SLC6A5: variants seen among roughly 807,000 people sequenced by gnomAD.
The protein encoded by SLC6A5 is solute carrier family 6 member 5, also known as sodium- and chloride-dependent glycine transporter 2.
SLC6A5 carries 58 observed loss-of-function variants against 90.5 expected under a neutral mutation model. The observed-to-expected ratio is 0.64, with a 90% confidence interval of 0.52 to 0.80. SLC6A5 has a LOEUF of 0.80. SLC6A5 is among the 30% of genes least tolerant of loss of function. The pLI, the probability that SLC6A5 is intolerant of heterozygous loss-of-function variation, is 0.00. For missense variants in SLC6A5, 1,015 were observed against 1,017.6 expected (o/e 1.00, Z 0.03); for synonymous variants, 427 against 401.4 (o/e 1.06, Z -0.76).
intron 5 of SLC6A5, among the ~76,000 whole-genome samples, chr11:20,611,386 T>C (rs1852689819): frequency 6.6e-6 from 1 of 152,134 alleles, no homozygotes; most frequent in African/African-American, 2.4e-5. Flanking sequence ...ACCCTGGAGG[T>C]AGAGGTTGCA....
At chr11:20,606,472 T>C (rs966841414) in intron 3 of SLC6A5, among the ~76,000 whole-genome samples, 4 of 152,114 alleles carry the variant, frequency 2.6e-5, no homozygotes, top group African/African-American at 9.7e-5. Flanking sequence ...GAGATGGGTT[T>C]AGGAAGAAGG....
intron 7 of SLC6A5, among the ~76,000 whole-genome samples, chr11:20,626,366 G>A (rs1332113045): frequency 6.6e-6 from 1 of 151,964 alleles, no homozygotes; most frequent in Non-Finnish European, 1.5e-5. Flanking sequence ...GCTCTAGCGG[G>A]CATGGGCACA....
chr11:20,607,177 C>G, intron 4 of SLC6A5, 39 bp downstream of exon 4: 2 of 1,576,612 alleles, frequency 1.3e-6, no homozygotes, highest in South Asian at 2.3e-5. Flanking sequence ...CAGGCCCTTT[C>G]TTACTCTGTC....
At chr11:20,643,744 C>A (rs1253966227) in intron 13 of SLC6A5, among the ~76,000 whole-genome samples, 1 of 152,206 alleles carries the variant, frequency 6.6e-6, no homozygotes, top group Non-Finnish European at 1.5e-5. Context: ...TTAGAGTGAG[C>A]TGGGAAAAGT....
In SLC6A5 at chr11:20,628,027, A is replaced by T. The variant is rs1352575247; in HGVS notation, c.1443A>T (p.Ala481=). 3 of 1,614,142 alleles carry T rather than the reference A, an allele frequency of 1.9e-6. No homozygotes were observed. The Admixed American group carries it at 5.0e-5, about 27-fold the overall frequency. ...ATQIFFSLSA[A]WGGLITLSSY... is the part of the protein sequence containing the mutation. ...AGATTTTCTTCTCTTTATCTGCTGC[A>T]TGGGGAGGCCTGATCACTCTCTCTT... Residue 481 remains alanine, a synonymous_variant, in exon 9 of 16, where the codon GCA becomes GCT. Transcript: ENST00000525748.
chr11:20,640,535 G>A (rs1354453972), intron 13 of SLC6A5, among the ~76,000 whole-genome samples: 1 of 152,084 alleles, frequency 6.6e-6, no homozygotes, highest in Non-Finnish European at 1.5e-5. Context: ...AAGAGTGCTG[G>A]TGTTGGGCTT....
At chr11:20,603,641 C>T (rs874680) in intron 2 of SLC6A5, among the ~76,000 whole-genome samples, 9,639 of 152,264 alleles carry the variant, frequency 0.063, 686 homozygotes, top group East Asian at 0.35. Flanking sequence ...AAATATCCCT[C>T]CTGCCCATCT....
intron 13 of SLC6A5, among the ~76,000 whole-genome samples, chr11:20,646,005 G>A (rs978944040): frequency 2.0e-5 from 3 of 152,216 alleles, no homozygotes; most frequent in African/African-American, 4.8e-5. Context: ...CTTGAACTTG[G>A]AGACCGTGTA....
At chr11:20,617,727 C>G in intron 6 of SLC6A5, 25 bp from the exon 7 acceptor site, 2 of 1,609,026 alleles carry the variant, frequency 1.2e-6, no homozygotes, top group Non-Finnish European at 1.7e-6. Flanking sequence ...CTATCACTCC[C>G]CCCATCCCTC....
In SLC6A5 at chr11:20,607,672, C is replaced by CT. The variant is rs1397666325; in HGVS notation, c.985+23dup. ...TATTAGGTAAGTTTGGAAATACCTGCTTTAGGTGTGTGTATTCTAAACTAT... is the reference window on the plus strand; with the variant it reads ...TATTAGGTAAGTTTGGAAATACCTGCTTTTAGGTGTGTGTATTCTAAACTAT... On this transcript the variant is annotated intron_variant, in intron 5 of 15. Coordinates refer to ENST00000525748, the MANE Select transcript of SLC6A5 (RefSeq NM_004211.5). 4 of 1,593,108 alleles carry CT rather than the reference C, an allele frequency of 2.5e-6. No individual in the cohort carries two copies. Among genetic ancestry groups the CT allele is most frequent in the Non-Finnish European group, 3.4e-6 (4 of 1,161,746 alleles).
At chr11:20,634,945 A>G (rs933699853) in intron 10 of SLC6A5, among the ~76,000 whole-genome samples, 2 of 152,100 alleles carry the variant, frequency 1.3e-5, no homozygotes, top group African/African-American at 4.8e-5. Context: ...AAAATTCACA[A>G]CTGCTGTGTC....
chr11:20,658,019 A>G lies in SLC6A5; in HGVS notation c.*3151A>G, dbSNP rs1229696589. 6.6e-6 allele frequency: 1 copy of G among 152,198 alleles called. No homozygotes were observed. Among genetic ancestry groups the G allele is most frequent in the African/African-American group, 2.4e-5 (1 of 41,452 alleles). 9.4% of individuals were successfully genotyped at this position (152,198 alleles called of 1,614,324 possible). On this transcript the variant is annotated 3_prime_UTR_variant, in exon 16 of 16. Coordinates refer to ENST00000525748, the MANE Select transcript of SLC6A5 (RefSeq NM_004211.5). ...CTTTGAAATTTGCAATGTGTTTTTA[A>G]TATGTAAGAAATGTAATCAACTTGT...
chr11:20,618,398 A>T (rs1852824304), intron 7 of SLC6A5, among the ~76,000 whole-genome samples: 1 of 151,888 alleles, frequency 6.6e-6, no homozygotes, highest in Non-Finnish European at 1.5e-5. Flanking sequence ...TAAGCTTGAC[A>T]CTCTTCTACC....
At chr11:20,641,793 T>C (rs541007713) in intron 13 of SLC6A5, among the ~76,000 whole-genome samples, 16 of 152,144 alleles carry the variant, frequency 1.1e-4, no homozygotes, top group African/African-American at 3.9e-4. Context: ...TAATGTCCTA[T>C]AGTCATGGAA....
chr11:20,646,765 C>A (rs1853422645), intron 13 of SLC6A5, 69 bp from the exon 14 acceptor site: 3 of 1,075,936 alleles, frequency 2.8e-6, no homozygotes, highest in African/African-American at 1.6e-5. Context: ...GGCTCTAGTG[C>A]CTGCCCTGCC....
intron 12 of SLC6A5, 92 bp from the exon 13 acceptor site, chr11:20,638,365 CTT>C (rs777546310): frequency 3.3e-5 from 27 of 811,002 alleles, no homozygotes; most frequent in Non-Finnish European, 5.7e-5. Flanking sequence ...GCACCTGACT[CTT>C]TTTAGGATTG....
chr11:20,630,839 T>C, intron 10 of SLC6A5, 24 bp downstream of exon 10: 1 of 1,612,688 alleles, frequency 6.2e-7, no homozygotes, highest in Non-Finnish European at 8.5e-7. Flanking sequence ...GTTACCCTGC[T>C]GTTGCAGGGC....
At chr11:20,649,653 C>T (rs983228338) in intron 14 of SLC6A5, among the ~76,000 whole-genome samples, 13 of 152,110 alleles carry the variant, frequency 8.5e-5, no homozygotes, top group East Asian at 3.8e-4. Context: ...GCCCCTAAAA[C>T]GAAATTGATC....
rs965791933 is a variant in SLC6A5 at position 20,638,667 on chromosome 11, A to G, written c.1969+109A>G. The G allele has an allele frequency of 6.5e-6, 5 of 768,592 alleles. No homozygotes were observed. The African/African-American group carries it at 8.5e-5, about 13-fold the overall frequency. 47.6% of individuals were successfully genotyped at this position (768,592 alleles called of 1,614,324 possible). Reference sequence around the variant, plus strand: ...TAAGACAATACAGGGCTTAAATTGCAACTATTTAGGAAACCTAAGAGAGCT... The same window carrying G: ...TAAGACAATACAGGGCTTAAATTGCGACTATTTAGGAAACCTAAGAGAGCT... On this transcript the variant is annotated intron_variant, in intron 13 of 15. Coordinates refer to ENST00000525748, the MANE Select transcript of SLC6A5 (RefSeq NM_004211.5).
Sources: gnomAD v4.1 joint callset for allele counts (sites outside exome capture counted in the v4.1 genomes callset) on GRCh38, gnomAD v4.1.1 for gene constraint, MANE v1.5 for transcripts, NCBI Gene and HGNC (gene_info 2026-07-23, HGNC 2026-07-21) for gene names.